The following SLC2A5 variants were observed in gnomAD, a reference collection of about 807,000 sequenced individuals.
The protein encoded by SLC2A5 is solute carrier family 2, facilitated glucose transporter member 5.
In SLC2A5, 56 loss-of-function variants were observed where a neutral mutation model predicts 50.3. That is an observed-to-expected ratio of 1.11 (90% confidence interval 0.90 to 1.39). SLC2A5 has a LOEUF of 1.39. SLC2A5 is among the 40% of genes most tolerant of loss of function. The pLI, the probability that SLC2A5 is intolerant of heterozygous loss-of-function variation, is 0.00. For missense variants in SLC2A5, 566 were observed against 650.1 expected (o/e 0.87, Z 1.41); for synonymous variants, 269 against 281.9 (o/e 0.95, Z 0.46).
chr1:9,067,743 G>A (rs1327427245), intron 1 of SLC2A5, among the ~76,000 whole-genome samples: 1 of 152,180 alleles, frequency 6.6e-6, no homozygotes, highest in East Asian at 1.9e-4. Context: ...CACTCCTGGG[G>A]GAGGGAGCTA....
chr1:9,089,610 C>T (rs898018090), upstream of SLC2A5, among the ~76,000 whole-genome samples: 1 of 152,152 alleles, frequency 6.6e-6, no homozygotes, highest in Non-Finnish European at 1.5e-5. Flanking sequence ...CAAAAGTCTC[C>T]CAACAACCCA....
Position 9,036,937 on chromosome 1 carries a change from C to G in SLC2A5, c.*649G>C, listed in dbSNP as rs1194264747. 6.6e-6 allele frequency: 1 copy of G among 151,912 alleles called. No homozygotes were observed. Among genetic ancestry groups the G allele is most frequent in the African/African-American group, 2.4e-5 (1 of 41,320 alleles). The allele number at this position is 151,912 out of a possible 1,614,324, so 9.4% of individuals were successfully genotyped here. On this transcript the variant is annotated 3_prime_UTR_variant, in exon 12 of 12. Coordinates refer to ENST00000377424, the MANE Select transcript of SLC2A5 (RefSeq NM_003039.3). ...CTTCTACTTGCTCAAAGAACAGCAG[C>G]ACGTCTTGTTGAAAAGTGATCAGGT...
intron 8 of SLC2A5, 82 bp downstream of exon 8, chr1:9,039,470 G>A: frequency 9.8e-7 from 1 of 1,024,484 alleles, no homozygotes; most frequent in African/African-American, 1.7e-5. Flanking sequence ...GCCACGGGCT[G>A]CCCTTTTGGC....
intron 8 of SLC2A5, 47 bp from the exon 9 acceptor site, chr1:9,038,976 TCCCTCCAGCC>T: frequency 6.3e-7 from 1 of 1,586,514 alleles, no homozygotes; most frequent in Non-Finnish European, 8.6e-7. Flanking sequence ...CAGCTTCACC[TCCCTCCAGCC>T]CCCTCCAATG....
chr1:9,069,599 A>T lies in SLC2A5; in HGVS notation c.-63T>A, dbSNP rs573569850. The T allele has an allele frequency of 6.3e-7, 1 of 1,584,334 alleles. No individual in the cohort carries two copies. Among genetic ancestry groups the T allele is most frequent in the Admixed American group, 1.7e-5 (1 of 59,712 alleles). ...TTAGCCAAAGTAACGCGTGCACTGA[A>T]TGGAGAGAGAAGACATTCTGGGTGC... On this transcript the variant is annotated 5_prime_UTR_variant, in exon 1 of 12. Transcript: ENST00000377424.
intron 1 of SLC2A5, among the ~76,000 whole-genome samples, chr1:9,085,959 G>T (rs1642396770): frequency 6.6e-6 from 1 of 152,172 alleles, no homozygotes; most frequent in Non-Finnish European, 1.5e-5. Flanking sequence ...AGAAATTGCT[G>T]GAAATGCTTT....
chr1:9,047,441 G>C (rs964492864), intron 4 of SLC2A5, among the ~76,000 whole-genome samples, 169 bp downstream of exon 4: 1 of 152,192 alleles, frequency 6.6e-6, no homozygotes, highest in Non-Finnish European at 1.5e-5. Flanking sequence ...TCACAGTAAA[G>C]CTCTGCACCT....
chr1:9,038,357 C>G, intron 10 of SLC2A5, 74 bp downstream of exon 10: 1 of 1,124,936 alleles, frequency 8.9e-7, no homozygotes, highest in Non-Finnish European at 1.4e-6. Flanking sequence ...CCTGGTATCT[C>G]TAAGGAGCTC....
intron 1 of SLC2A5, among the ~76,000 whole-genome samples, chr1:9,060,055 CACACACAAT>C (rs1448714788): frequency 7.0e-6 from 1 of 143,084 alleles, no homozygotes; most frequent in African/African-American, 2.6e-5. Flanking sequence ...ACACACCACA[CACACACAAT>C]ACACACACTA....
In SLC2A5 at chr1:9,038,423, G is replaced by T. The variant is rs1301502284; in HGVS notation, c.1174+8C>A. On this transcript the variant is annotated splice_region_variant and intron_variant, in intron 10 of 11. Transcript: ENST00000377424. ...TGTGACACCCTGAGGCCAGCTTTGG[G>T]TACGTACTGGGCCCGAGGGCATGTC... 1.9e-6 allele frequency: 3 copies of T among 1,609,016 alleles called. No individual in the cohort carries two copies. Among genetic ancestry groups the T allele is most frequent in the Non-Finnish European group, 2.6e-6 (3 of 1,175,852 alleles).
At chr1:9,044,293 T>G (rs2124336274) in intron 4 of SLC2A5, among the ~76,000 whole-genome samples, 1 of 151,536 alleles carries the variant, frequency 6.6e-6, no homozygotes, top group South Asian at 2.1e-4. Context: ...ACCGTGCCAC[T>G]GCACTCCAGC....
intron 3 of SLC2A5, among the ~76,000 whole-genome samples, chr1:9,055,459 G>A (rs1641726633): frequency 6.6e-6 from 1 of 152,116 alleles, no homozygotes; most frequent in South Asian, 2.1e-4. Flanking sequence ...AGAGGTTGCA[G>A]TGTGCTGAGA....
intron 1 of SLC2A5, among the ~76,000 whole-genome samples, chr1:9,064,833 T>C (rs954850469): frequency 6.6e-6 from 1 of 152,086 alleles, no homozygotes; most frequent in Admixed American, 6.5e-5. Context: ...GGTGGGCAGA[T>C]CACGAGGTCA....
At chr1:9,060,026 C>A (rs1277466268) in intron 1 of SLC2A5, among the ~76,000 whole-genome samples, 1 of 146,262 alleles carries the variant, frequency 6.8e-6, no homozygotes, top group African/African-American at 2.5e-5. Flanking sequence ...CACACACACA[C>A]TACACACATA....
intron 3 of SLC2A5, among the ~76,000 whole-genome samples, chr1:9,053,065 T>A (rs868118347): frequency 1.9e-4 from 15 of 79,784 alleles, no homozygotes; most frequent in African/African-American, 7.6e-4. Flanking sequence ...ATAATATATA[T>A]TATATATTTA....
chr1:9,050,236 C>A (rs1192439887), intron 3 of SLC2A5, among the ~76,000 whole-genome samples: 1 of 151,252 alleles, frequency 6.6e-6, no homozygotes, highest in African/African-American at 2.4e-5. Context: ...GAGATTATGC[C>A]ACTTGCACTC....
At position 9,038,804 on chromosome 1, in the gene SLC2A5, C is replaced by T. The variant is rs1166661296; in HGVS notation, c.1098+24G>A. On this transcript the variant is annotated intron_variant, in intron 9 of 11. Transcript: ENST00000377424. ...GGTCTTCCTGGTGCAGCTCCGGGCT[C>T]CTGGGACCCTGGCCTGTCCTCACCT... The T allele has an allele frequency of 2.6e-6, 4 of 1,557,172 alleles. No individual in the cohort carries two copies. In the South Asian group the frequency reaches 4.7e-5, roughly 18 times the overall value.
chr1:9,053,089 A>T (rs1467740594), intron 3 of SLC2A5, among the ~76,000 whole-genome samples: 10 of 115,386 alleles, frequency 8.7e-5, no homozygotes, highest in African/African-American at 3.4e-4. Flanking sequence ...ATTAATATAT[A>T]ATATATATTT....
Position 9,037,927 on chromosome 1 carries a change from G to C in SLC2A5, c.1272C>G (p.Phe424Leu). 1 of 1,613,968 alleles carries C rather than the reference G, an allele frequency of 6.2e-7. No individual in the cohort carries two copies. The highest frequency in any genetic ancestry group is 8.5e-7 in the Non-Finnish European group (1 of 1,180,036). Reference protein sequence around the residue: ...VGGSVHWLSNFTVGLIFPFIQ... With the variant: ...VGGSVHWLSNLTVGLIFPFIQ... ...TGAACGGGAAGATCAAGCCCACGGTGAAGTTGGAGAGCCAGTGCACACTGC... is the reference window on the plus strand; with the variant it reads ...TGAACGGGAAGATCAAGCCCACGGTCAAGTTGGAGAGCCAGTGCACACTGC... Residue 424 changes from phenylalanine (F) to leucine (L), a missense_variant, in exon 11 of 12, where the codon TTC becomes TTG. Coordinates refer to ENST00000377424, the MANE Select transcript of SLC2A5 (RefSeq NM_003039.3).
Sources: allele counts gnomAD v4.1 joint callset (sites outside exome capture counted in the v4.1 genomes callset), GRCh38; gene constraint gnomAD v4.1.1; transcripts MANE v1.5; gene names NCBI Gene and HGNC (gene_info 2026-07-23, HGNC 2026-07-21).